The following SOX5 variants were observed in gnomAD, a reference collection of about 807,000 sequenced individuals.
The protein encoded by SOX5 is SRY-box transcription factor 5.
A neutral mutation model predicts 92.0 loss-of-function variants in SOX5; 9 were observed. The observed-to-expected ratio is 0.10, with a 90% confidence interval of 0.06 to 0.17. The LOEUF (loss-of-function observed/expected upper bound fraction) is 0.17, where lower values mean the gene tolerates loss of function less well. Ranked by LOEUF, SOX5 falls within the 10% of genes least tolerant of loss-of-function variation. The pLI is 1.00. For synonymous variants in SOX5, 344 were observed against 336.3 expected (o/e 1.02, Z -0.25); for missense variants, 642 against 944.5 (o/e 0.68, Z 4.20).
intron 9 of SOX5, among the ~76,000 whole-genome samples, chr12:23,592,022 TA>T (rs982760219): frequency 3.3e-5 from 5 of 151,040 alleles, no homozygotes; most frequent in Admixed American, 2.0e-4. Flanking sequence ...TATAATAAAG[TA>T]AAAAAAAATA....
chr12:24,286,929 C>T (rs991064951), intron 2 of SOX5, among the ~76,000 whole-genome samples: 4 of 152,152 alleles, frequency 2.6e-5, no homozygotes, highest in Non-Finnish European at 1.5e-5. Context: ...TTCCAGCATA[C>T]ACCATACCAA....
At chr12:23,928,033 C>T (rs1294901083) in intron 1 of SOX5, among the ~76,000 whole-genome samples, 1 of 151,926 alleles carries the variant, frequency 6.6e-6, no homozygotes, top group African/African-American at 2.4e-5. Context: ...GGAACCAGGG[C>T]GATTAACAGT....
intron 3 of SOX5, among the ~76,000 whole-genome samples, chr12:23,833,781 A>T (rs1256581060): frequency 1.3e-5 from 2 of 152,038 alleles, no homozygotes; most frequent in African/African-American, 4.8e-5. Context: ...AGATTGGAGA[A>T]GATGGAATAA....
chr12:23,789,482 G>T (rs141851256), intron 3 of SOX5, among the ~76,000 whole-genome samples: 1 of 152,104 alleles, frequency 6.6e-6, no homozygotes, highest in East Asian at 1.9e-4. Context: ...TATTCTTAAA[G>T]GAGAATATGT....
chr12:24,107,699 C>T (rs577531632), intron 4 of SOX5, among the ~76,000 whole-genome samples: 14 of 152,116 alleles, frequency 9.2e-5, no homozygotes, highest in Middle Eastern at 3.4e-3. Flanking sequence ...CTTGATATGA[C>T]GAAAGGACAA....
chr12:24,476,164 G>A (rs914270032), intron 1 of SOX5, among the ~76,000 whole-genome samples: 1 of 152,194 alleles, frequency 6.6e-6, no homozygotes, highest in Non-Finnish European at 1.5e-5. Context: ...AAGGGATACA[G>A]CATCTAAGAC....
chr12:24,355,934 T>A (rs75114011), intron 2 of SOX5, among the ~76,000 whole-genome samples: 1 of 152,208 alleles, frequency 6.6e-6, no homozygotes, highest in Non-Finnish European at 1.5e-5. Flanking sequence ...GATTTAGGCA[T>A]TTCACTTTGA....
At chr12:23,554,278 C>T (rs909245598) in intron 11 of SOX5, among the ~76,000 whole-genome samples, 2 of 151,884 alleles carry the variant, frequency 1.3e-5, no homozygotes, top group Admixed American at 1.3e-4. Context: ...AAGGAAGGAG[C>T]AAATACAGGA....
chr12:23,593,061 G>A (rs974784989), intron 9 of SOX5, among the ~76,000 whole-genome samples: 1 of 141,310 alleles, frequency 7.1e-6, no homozygotes, highest in African/African-American at 2.5e-5. Context: ...CCTGGGCAAT[G>A]GAGTTAGACC....
chr12:24,406,977 T>G (rs1274067332), intron 1 of SOX5, among the ~76,000 whole-genome samples: 1 of 152,120 alleles, frequency 6.6e-6, no homozygotes, highest in African/African-American at 2.4e-5. Context: ...TTGGGTATAG[T>G]CTGAACTTCA....
At chr12:23,682,258 A>G (rs1394246106) in intron 6 of SOX5, among the ~76,000 whole-genome samples, 3 of 151,888 alleles carry the variant, frequency 2.0e-5, no homozygotes, top group African/African-American at 2.4e-5. Flanking sequence ...TCTTAGATGA[A>G]AAGGGAAATC....
chr12:24,032,133 A>G (rs1327906906), intron 4 of SOX5, among the ~76,000 whole-genome samples: 2 of 151,902 alleles, frequency 1.3e-5, no homozygotes, highest in African/African-American at 4.8e-5. Flanking sequence ...AACTGGTAAC[A>G]CTGAAACTGT....
intron 3 of SOX5, among the ~76,000 whole-genome samples, chr12:24,248,020 T>G (rs1427167615): frequency 6.6e-6 from 1 of 152,186 alleles, no homozygotes; most frequent in Non-Finnish European, 1.5e-5. Flanking sequence ...CTACTTCTTA[T>G]ACTGTCTCAA....
intron 1 of SOX5, among the ~76,000 whole-genome samples, chr12:24,504,961 A>T (rs903290101): frequency 6.6e-6 from 1 of 152,200 alleles, no homozygotes; most frequent in Non-Finnish European, 1.5e-5. Context: ...ATCACTACTC[A>T]ATCCTGGGGT....
At chr12:24,462,377 A>G (rs999134479) in intron 1 of SOX5, among the ~76,000 whole-genome samples, 4 of 152,228 alleles carry the variant, frequency 2.6e-5, no homozygotes, top group African/African-American at 9.6e-5. Flanking sequence ...GTCATTATGC[A>G]GTATATGGCT....
At chr12:23,618,170 T>C (rs1246373249) in intron 8 of SOX5, among the ~76,000 whole-genome samples, 1 of 152,208 alleles carries the variant, frequency 6.6e-6, no homozygotes, top group East Asian at 1.9e-4. Flanking sequence ...TGATTATACT[T>C]ATATCTTTAA....
intron 2 of SOX5, among the ~76,000 whole-genome samples, chr12:23,881,390 T>C (rs911787285): frequency 6.6e-6 from 1 of 152,168 alleles, no homozygotes; most frequent in Non-Finnish European, 1.5e-5. Context: ...CATGCACAGG[T>C]AGACTACATC....
chr12:24,005,121 A>G (rs2061099439), intron 4 of SOX5, among the ~76,000 whole-genome samples: 1 of 151,992 alleles, frequency 6.6e-6, no homozygotes, highest in African/African-American at 2.4e-5. Context: ...CTTTTTGAGG[A>G]TGATGGAAAT....
chr12:23,697,195 C>A (rs942813345), intron 6 of SOX5, among the ~76,000 whole-genome samples: 1 of 151,990 alleles, frequency 6.6e-6, no homozygotes, highest in Non-Finnish European at 1.5e-5. Context: ...TAATTGTAGA[C>A]TTCTCATGTT....
Sources: allele counts gnomAD v4.1 joint callset (sites outside exome capture counted in the v4.1 genomes callset), GRCh38; gene constraint gnomAD v4.1.1; transcripts MANE v1.5; gene names NCBI Gene and HGNC (gene_info 2026-07-23, HGNC 2026-07-21).